Variants in ADCY7 observed in about 807,000 individuals in gnomAD.
The protein encoded by ADCY7 is adenylate cyclase 7, also known as adenylate cyclase type 7.
In ADCY7, 72 loss-of-function variants were observed where a neutral mutation model predicts 120.6. The observed-to-expected ratio is 0.60, with a 90% CI of 0.49 to 0.73. The LOEUF is 0.73. ADCY7 is among the 30% of genes least tolerant of loss of function. ADCY7 has a pLI of 0.00. For synonymous variants in ADCY7, 661 were observed against 628.0 expected, an observed-to-expected ratio of 1.05 and a Z score of -0.78; for missense variants, 1,227 against 1,486.0, an observed-to-expected ratio of 0.83 and a Z score of 2.87.
In ADCY7 at chr16:50,247,049, TTGAA is replaced by T. The variant is rs112588197; in HGVS notation, c.-64+873_-64+876del. On this transcript the variant is annotated intron_variant, in intron 1 of 4. Transcript: ENST00000564044. ...CTGGTCCAGAGTGATGCTCCAGAGA[TTGAA>T]TGAATGAATGAATGAATGAATGAAT... Among the ~76,000 whole-genome samples, 832 of 152,026 alleles carry T rather than the reference TTGAA, an allele frequency of 5.5e-3. 9 individuals are homozygous for T. The highest frequency in any genetic ancestry group is 0.016 in the African/African-American group (680 of 41,474).
intron 5 of ADCY7, 131 bp downstream of exon 5, chr16:50,292,956 AGT>A: frequency 8.4e-7 from 1 of 1,195,910 alleles, no homozygotes; most frequent in Non-Finnish European, 1.2e-6. Flanking sequence ...CACCTCGGTG[AGT>A]CCTGGGCTCC....
At chr16:50,246,524 C>CA (rs2032592808) in intron 1 of ADCY7, among the ~76,000 whole-genome samples, 1 of 152,228 alleles carries the variant, frequency 6.6e-6, no homozygotes, top group African/African-American at 2.4e-5. Context: ...CGCCCGGCCC[C>CA]AGACCCCTGT....
chr16:50,306,499 G>A (rs1010372684), intron 14 of ADCY7, among the ~76,000 whole-genome samples: 5 of 148,900 alleles, frequency 3.4e-5, no homozygotes, highest in East Asian at 2.0e-4. Flanking sequence ...GGCCAGGGCC[G>A]CCGAGCCTGC....
chr16:50,309,465 G>T, intron 17 of ADCY7, 83 bp from the exon 18 acceptor site: 2 of 1,159,478 alleles, frequency 1.7e-6, no homozygotes, highest in East Asian at 4.8e-5. Context: ...GATACTCATG[G>T]TTGCCTGGGG....
chr16:50,271,807 T>G (rs2033590883), intron 1 of ADCY7, among the ~76,000 whole-genome samples: 1 of 152,162 alleles, frequency 6.6e-6, no homozygotes, highest in Non-Finnish European at 1.5e-5. Context: ...TCCTCCAGCA[T>G]GGGGAGAAGA....
Position 50,304,422 on chromosome 16 carries a change from G to C in ADCY7, c.1431G>C (p.Lys477Asn). ...GGCCCAAGGGGGACGCGGCCCTGAA[G>C]ATGCGGGCGTCAGTGCGCATGACCC... ...LPRPKGDAAL[K>N]MRASVRMTRY... Residue 477 changes from lysine to asparagine, a missense_variant, in exon 11 of 26, where the codon AAG becomes AAC. Physicochemically the swap from Lys to Asn is moderately conservative, Grantham distance 94. Around this residue, in one of 5 missense-constraint regions of ADCY7, gnomAD observed 332 missense variants for 455.8 expected, o/e 0.73. Transcript: ENST00000673801. The C allele has an allele frequency of 6.2e-7, 1 of 1,602,214 alleles. No individual in the cohort carries two copies. The highest frequency in any genetic ancestry group is 8.5e-7 in the Non-Finnish European group (1 of 1,174,306).
chr16:50,252,442 G>A (rs2032786038), intron 1 of ADCY7, among the ~76,000 whole-genome samples: 1 of 149,312 alleles, frequency 6.7e-6, no homozygotes, highest in Non-Finnish European at 1.5e-5. Context: ...CCACTGGGTA[G>A]GCATTGTTTG....
chr16:50,263,870 C>T (rs2033122570), upstream of ADCY7, among the ~76,000 whole-genome samples: 2 of 152,146 alleles, frequency 1.3e-5, no homozygotes, highest in African/African-American at 4.8e-5. Context: ...TCTCATCAGC[C>T]TCTCGCCCAC....
chr16:50,315,658 C>A lies in ADCY7; in HGVS notation c.*153C>A. ...GACCTGCACTGGAGGATTTCTCAGA[C>A]ACATGCACCAGATTCTGGCTCGAAG... On this transcript the variant is annotated 3_prime_UTR_variant, in exon 26 of 26. Transcript: ENST00000673801. 1 of 937,530 alleles carries A rather than the reference C, an allele frequency of 1.1e-6. No homozygotes were observed. Among genetic ancestry groups the A allele is most frequent in the Non-Finnish European group, 1.6e-6 (1 of 643,648 alleles). 58.1% of individuals were successfully genotyped at this position (937,530 alleles called of 1,614,324 possible). A position where few individuals can be genotyped will look rare whatever the true frequency, so the allele number is the denominator to read the frequency against.
Position 50,300,720 on chromosome 16 carries a change from T to C in ADCY7, c.1082T>C (p.Val361Ala), listed in dbSNP as rs2035657084. Residue 361 changes from valine to alanine, a missense_variant, in exon 9 of 26, where the codon GTG becomes GCG. Transcript: ENST00000673801. Reference sequence around the variant, plus strand: ...ACTGGGCCACTCTGCCCCAGGCAGGTGCGGGAGGCCACGGGCGTGGACATC... The same window carrying C: ...ACTGGGCCACTCTGCCCCAGGCAGGCGCGGGAGGCCACGGGCGTGGACATC... Reference protein sequence around the residue: ...GLDMCQAIKQVREATGVDINM... With the variant: ...GLDMCQAIKQAREATGVDINM... 6.4e-7 allele frequency: 1 copy of C among 1,551,578 alleles called. No homozygotes were observed. Among genetic ancestry groups the C allele is most frequent in the African/African-American group, 1.4e-5 (1 of 73,154 alleles).
chr16:50,304,611 G>A, intron 11 of ADCY7, 60 bp downstream of exon 11: 1 of 1,465,316 alleles, frequency 6.8e-7, no homozygotes, highest in Non-Finnish European at 9.2e-7. Flanking sequence ...GAGCAGGAGA[G>A]TGAGTGCTGA....
chr16:50,312,771 C>G, intron 21 of ADCY7, 119 bp from the exon 22 acceptor site: 1 of 922,990 alleles, frequency 1.1e-6, no homozygotes, highest in Non-Finnish European at 1.6e-6. Context: ...CGCCCCCCTC[C>G]CCACTCCCCG....
chr16:50,302,130 C>T (rs1462006743), intron 10 of ADCY7, among the ~76,000 whole-genome samples: 1 of 148,796 alleles, frequency 6.7e-6, no homozygotes, highest in Non-Finnish European at 1.5e-5. Context: ...GCTCTCCTGT[C>T]CCCCTCACCC....
Position 50,314,995 on chromosome 16 carries a change from CTG to C in ADCY7, c.2972-17_2972-16del. 1.9e-6 allele frequency: 3 copies of C among 1,613,826 alleles called. No homozygotes were observed. The highest frequency in any genetic ancestry group is 2.5e-6 in the Non-Finnish European group (3 of 1,179,844). ...AGGCTTTGCCTGCACGCTTGGGTAA[CTG>C]TAAACATCATCTTCAGGCATAAACC... On this transcript the variant is annotated splice_polypyrimidine_tract_variant and intron_variant, in intron 24 of 25. Coordinates refer to ENST00000673801, the MANE Select transcript of ADCY7 (RefSeq NM_001114.5).
chr16:50,272,998 C>T (rs1476260327), intron 1 of ADCY7, among the ~76,000 whole-genome samples: 1 of 152,182 alleles, frequency 6.6e-6, no homozygotes, highest in Non-Finnish European at 1.5e-5. Context: ...GCTCAGCTCT[C>T]CTGGGCATGG....
At chr16:50,270,873 G>C (rs750781004) in intron 1 of ADCY7, among the ~76,000 whole-genome samples, 33 of 152,118 alleles carry the variant, frequency 2.2e-4, no homozygotes, top group Non-Finnish European at 4.3e-4. Context: ...ACAGTGGCTG[G>C]AGCCCCTCCA....
intron 8 of ADCY7, among the ~76,000 whole-genome samples, chr16:50,300,109 G>C (rs990066142): frequency 3.3e-5 from 5 of 152,076 alleles, no homozygotes; most frequent in Non-Finnish European, 5.9e-5. Flanking sequence ...ATTTGAGATG[G>C]AGTCTCGCTG....
intron 8 of ADCY7, among the ~76,000 whole-genome samples, chr16:50,299,594 C>G (rs142923752): frequency 6.6e-6 from 1 of 152,198 alleles, no homozygotes; most frequent in Non-Finnish European, 1.5e-5. Flanking sequence ...GAGCAGGGCC[C>G]GGTGGGGCTG....
rs1270743798 is a variant in ADCY7, at chr16:50,281,273, CAG to C, written c.-268-6636_-268-6635del. On this transcript the variant is annotated intron_variant, in intron 1 of 25. Transcript: ENST00000673801. ...AGTTTACTGATGAGGAAACTGAGGC[CAG>C]AGTGTGCAGGCGACTGCTATTCACA... is the stretch of plus-strand genomic sequence containing the variant. Among the ~76,000 whole-genome samples the C allele has an allele frequency of 2.0e-3, 308 of 152,330 alleles. 1 individual carries two copies. The highest frequency in any genetic ancestry group is 3.7e-4 in the Non-Finnish European group (25 of 68,024).
Sources: gnomAD v4.1 joint callset for allele counts (sites outside exome capture counted in the v4.1 genomes callset) on GRCh38, gnomAD v4.1.1 for gene constraint, gnomAD v4.1.1 regional missense constraint, MANE v1.5 for transcripts, NCBI Gene and HGNC (gene_info 2026-07-23, HGNC 2026-07-21) for gene names.